PRKAG2: variants seen among roughly 807,000 people sequenced by gnomAD.
PRKAG2 encodes the protein protein kinase AMP-activated non-catalytic subunit gamma 2, also known as 5'-AMP-activated protein kinase subunit gamma-2.
In PRKAG2, 26 loss-of-function variants were observed where a neutral mutation model predicts 69.6. The ratio of observed to expected loss-of-function variants is 0.37; its 90% CI spans 0.27 to 0.52. The LOEUF is 0.52. PRKAG2 is among the 20% of genes least tolerant of loss of function. PRKAG2 has a pLI of 0.90. For missense variants in PRKAG2, 557 were observed against 740.0 expected, an observed-to-expected ratio of 0.75 and a Z score of 2.87; for synonymous variants, 293 against 285.0, an observed-to-expected ratio of 1.03 and a Z score of -0.28.
intron 3 of PRKAG2, among the ~76,000 whole-genome samples, chr7:151,709,691 C>T (rs995220933): frequency 1.3e-5 from 2 of 152,092 alleles, no homozygotes; most frequent in Admixed American, 1.3e-4. Flanking sequence ...GTGTGACACA[C>T]ACATAACACT....
intron 9 of PRKAG2, among the ~76,000 whole-genome samples, chr7:151,571,074 T>TC (rs1807447041): frequency 2.5e-5 from 2 of 79,714 alleles, no homozygotes; most frequent in East Asian, 6.5e-4. Flanking sequence ...CCCAGCCTAA[T>TC]TTTTTTTTTT....
intron 1 of PRKAG2, among the ~76,000 whole-genome samples, chr7:151,820,864 C>T (rs1465606583): frequency 6.6e-6 from 1 of 152,254 alleles, no homozygotes; most frequent in Non-Finnish European, 1.5e-5. Flanking sequence ...GAGGCCCACC[C>T]TGCCCTAGCA....
At chr7:151,570,706 T>C (rs983716267) in intron 9 of PRKAG2, among the ~76,000 whole-genome samples, 1 of 152,240 alleles carries the variant, frequency 6.6e-6, no homozygotes, top group Non-Finnish European at 1.5e-5. Flanking sequence ...ATTGTGGGCA[T>C]CTTTCCAGCA....
rs141510638 is a variant in PRKAG2 at position 151,668,709 on chromosome 7, T to A, written c.684+6711A>T. ...ATTCTGGGGCAATTTACAGCACCAA[T>A]CTCCTCTGCTGTCACAGGCTGAGAG... On this transcript the variant is annotated intron_variant, in intron 4 of 15. Transcript: ENST00000287878. Among the ~76,000 whole-genome samples the A allele has an allele frequency of 4.8e-4, 73 of 152,298 alleles. No individual in the cohort carries two copies. In the East Asian group the frequency reaches 0.014, roughly 29 times the overall value.
At chr7:151,720,152 C>T (rs1164703619) in intron 3 of PRKAG2, among the ~76,000 whole-genome samples, 1 of 152,166 alleles carries the variant, frequency 6.6e-6, no homozygotes, top group Non-Finnish European at 1.5e-5. Context: ...TCTTCTTTCT[C>T]TCCCTCCAGA....
chr7:151,852,775 C>G (rs1489707616), intron 1 of PRKAG2, among the ~76,000 whole-genome samples: 1 of 152,188 alleles, frequency 6.6e-6, no homozygotes, highest in African/African-American at 2.4e-5. Flanking sequence ...CACGGAGCTT[C>G]TGCCCAGAGC....
chr7:151,805,816 T>C (rs1400554840), intron 1 of PRKAG2, among the ~76,000 whole-genome samples: 1 of 152,196 alleles, frequency 6.6e-6, no homozygotes, highest in Non-Finnish European at 1.5e-5. Flanking sequence ...CCACCTTACC[T>C]TCAGGTTTGC....
Position 151,590,452 on chromosome 7 carries a change from C to G in PRKAG2, c.864+4893G>C, listed in dbSNP as rs552059107. On this transcript the variant is annotated intron_variant, in intron 6 of 15. Transcript: ENST00000287878. The stretch of plus-strand genomic sequence containing the variant: ...GCATGGATCTGGAAGGAGTGGGACC[C>G]TGGCACCGGACAGAGGGACATCTGA... 3.3e-5 allele frequency among the ~76,000 whole-genome samples: 5 copies of G among 152,348 alleles called. No homozygotes were observed. The South Asian group carries it at 1.0e-3, about 32-fold the overall frequency.
chr7:151,780,583 G>A lies in PRKAG2; in HGVS notation c.466+569C>T, dbSNP rs2076614600. Among the ~76,000 whole-genome samples, 1 of 152,112 alleles carries A rather than the reference G, an allele frequency of 6.6e-6. No homozygotes were observed. The highest frequency in any genetic ancestry group is 6.5e-5 in the Admixed American group (1 of 15,276). ...GATCACAAACACTAATGAACCTACGGAACTCTTTCTTAAACACTCACATTT... is the reference window on the plus strand; with the variant it reads ...GATCACAAACACTAATGAACCTACGAAACTCTTTCTTAAACACTCACATTT... On this transcript the variant is annotated intron_variant, in intron 3 of 15. Coordinates refer to ENST00000287878, the MANE Select transcript of PRKAG2 (RefSeq NM_016203.4). This position sits in a 1 kb window ranked among gnomAD's most constrained non-coding sequence, Gnocchi z 4.2.
intron 1 of PRKAG2, among the ~76,000 whole-genome samples, chr7:151,826,443 A>C (rs924808092): frequency 1.3e-5 from 2 of 152,048 alleles, no homozygotes; most frequent in African/African-American, 4.8e-5. Flanking sequence ...TTGGCCTCCC[A>C]AAGTGCTGGG....
At position 151,807,315 on chromosome 7, in the gene PRKAG2, C is replaced by T. The variant is rs373411105; in HGVS notation, c.115-20774G>A. 150 of 425,026 alleles carry T rather than the reference C, an allele frequency of 3.5e-4. No homozygotes were observed. The highest frequency in any genetic ancestry group is 8.7e-4 in the South Asian group (52 of 59,456). The allele number at this position is 425,026 out of a possible 1,614,324, so 26.3% of individuals were successfully genotyped here. On this transcript the variant is annotated intron_variant, in intron 1 of 15. Transcript: ENST00000287878. This position sits in a 1 kb window ranked among gnomAD's most constrained non-coding sequence, Gnocchi z 4.4. ...GAAGAAAAACAAGCAATCTACAGAA[C>T]GTGGGAAAATGCCTATATTAAGAAT...
Position 151,622,278 on chromosome 7 carries a change from C to T in PRKAG2, c.754+9791G>A, listed in dbSNP as rs564050012. Among the ~76,000 whole-genome samples, 115 of 152,314 alleles carry T rather than the reference C, an allele frequency of 7.6e-4. 2 individuals carry two copies. The Middle Eastern group carries it at 0.01, about 14-fold the overall frequency. ...AACTCACAATGAAACACTGGAGTTTCGCAGAGATTACACATACGTCCATAA... is the reference window on the plus strand; with the variant it reads ...AACTCACAATGAAACACTGGAGTTTTGCAGAGATTACACATACGTCCATAA... On this transcript the variant is annotated intron_variant, in intron 5 of 15. Coordinates refer to ENST00000287878, the MANE Select transcript of PRKAG2 (RefSeq NM_016203.4).
At chr7:151,558,494 G>A in intron 15 of PRKAG2, 1 of 976,000 alleles carries the variant, frequency 1.0e-6, no homozygotes, top group African/African-American at 1.7e-5. Context: ...TGAAGGAGGT[G>A]AAGCGACTTG....
intron 3 of PRKAG2, among the ~76,000 whole-genome samples, chr7:151,732,907 G>A (rs1326848471): frequency 1.3e-5 from 2 of 152,242 alleles, no homozygotes; most frequent in South Asian, 2.1e-4. Flanking sequence ...TGACCAGGCT[G>A]GTCTCAAACT....
At chr7:151,755,581 A>T (rs12537154) in intron 3 of PRKAG2, among the ~76,000 whole-genome samples, 4,583 of 152,258 alleles carry the variant, frequency 0.03, 227 homozygotes, top group East Asian at 0.15. Context: ...TTGGCAAATT[A>T]CTACCCAATG....
intron 6 of PRKAG2, among the ~76,000 whole-genome samples, chr7:151,586,956 T>G (rs1415910241): frequency 6.6e-6 from 1 of 152,114 alleles, no homozygotes; most frequent in African/African-American, 2.4e-5. Flanking sequence ...AGGTCAGGAG[T>G]TCGAGACCAG....
intron 3 of PRKAG2, among the ~76,000 whole-genome samples, chr7:151,709,800 T>C (rs765952000): frequency 3.9e-5 from 6 of 152,178 alleles, no homozygotes; most frequent in Non-Finnish European, 7.3e-5. Flanking sequence ...TGAAGTGATA[T>C]GTGTAACATT....
intron 1 of PRKAG2, among the ~76,000 whole-genome samples, chr7:151,798,310 T>C (rs1207139898): frequency 6.6e-6 from 1 of 151,992 alleles, no homozygotes; most frequent in Non-Finnish European, 1.5e-5. Context: ...CCTGTTTTTT[T>C]GTTTGTTCGT....
intron 1 of PRKAG2, among the ~76,000 whole-genome samples, chr7:151,815,623 T>C (rs2078618535): frequency 6.6e-6 from 1 of 152,192 alleles, no homozygotes; most frequent in Admixed American, 6.5e-5. Context: ...GTGGCAGTGG[T>C]GTGCCTAGCC....
Sources: allele counts gnomAD v4.1 joint callset (sites outside exome capture counted in the v4.1 genomes callset), GRCh38; gene constraint gnomAD v4.1.1; non-coding constraint Gnocchi (gnomAD v3.1); transcripts MANE v1.5; gene names NCBI Gene and HGNC (gene_info 2026-07-23, HGNC 2026-07-21).